Variants in PLA2G4A observed in about 807,000 individuals in gnomAD.
PLA2G4A encodes phospholipase A2 group IVA.
Under a neutral mutation model 81.9 loss-of-function variants are expected in PLA2G4A, and 40 were observed. That is an observed-to-expected ratio of 0.49 (90% CI 0.38 to 0.64). PLA2G4A has a LOEUF of 0.64. PLA2G4A is among the 30% of genes least tolerant of loss of function. The probability of loss-of-function intolerance (pLI) is 0.00; values close to 1 mark genes in which losing one functional copy is unlikely to be tolerated. For synonymous variants in PLA2G4A, 302 were observed against 296.9 expected, an observed-to-expected ratio of 1.02 and a Z score of -0.18; for missense variants, 715 against 905.1, an observed-to-expected ratio of 0.79 and a Z score of 2.69.
In PLA2G4A at chr1:186,977,628, C is replaced by G; in HGVS notation, c.1800C>G (p.Asn600Lys). Residue 600 changes from asparagine (N) to lysine (K), a missense_variant, in exon 16 of 18, where the codon AAC (asparagine) becomes AAG (lysine). Coordinates refer to ENST00000367466, the MANE Select transcript of PLA2G4A (RefSeq NM_024420.3). ...LLLAEKWAKM[N>K]KLPFPKIDPY... is the part of the protein sequence containing the mutation. ...TTGCAGAAAAGTGGGCTAAAATGAA[C>G]AAGCTCCCCTTTCCAAAGATTGATC... is the stretch of plus-strand genomic sequence containing the variant. 1.2e-6 allele frequency: 2 copies of G among 1,613,612 alleles called. No homozygotes were observed. Among genetic ancestry groups the G allele is most frequent in the Non-Finnish European group, 1.7e-6 (2 of 1,179,584 alleles).
At chr1:186,830,122 G>A (rs1247198098) in intron 1 of PLA2G4A, among the ~76,000 whole-genome samples, 1 of 152,144 alleles carries the variant, frequency 6.6e-6, no homozygotes, top group African/African-American at 2.4e-5. Flanking sequence ...CAAGTTAGAG[G>A]TTGGGATAAG....
At chr1:186,873,942 C>T (rs892017215) in intron 3 of PLA2G4A, among the ~76,000 whole-genome samples, 25 of 152,216 alleles carry the variant, frequency 1.6e-4, no homozygotes, top group African/African-American at 6.0e-4. Context: ...CTTCTGCATT[C>T]TTATGTTTAC....
intron 2 of PLA2G4A, among the ~76,000 whole-genome samples, chr1:186,857,055 T>TTGCTGGATGATCTGGGGATCTG (rs1367654873): frequency 2.0e-5 from 1 of 49,616 alleles, no homozygotes; most frequent in African/African-American, 1.3e-4. Flanking sequence ...CACATGTGTC[T>TTGCTGGATGATCTGGGGATCTG]GCCATGCAGC....
chr1:186,872,914 C>A (rs1363118183), intron 3 of PLA2G4A, among the ~76,000 whole-genome samples: 1 of 152,004 alleles, frequency 6.6e-6, no homozygotes, highest in African/African-American at 2.4e-5. Context: ...GAAGGAATGG[C>A]CACTGAAGAT....
chr1:186,948,516 G>GA (rs34068761), intron 12 of PLA2G4A, among the ~76,000 whole-genome samples: 1,758 of 138,502 alleles, frequency 0.013, 36 homozygotes, highest in African/African-American at 0.042. Context: ...GAAGATTTTA[G>GA]AAAAAAAAAA....
At chr1:186,859,594 G>C (rs1652721919) in intron 2 of PLA2G4A, among the ~76,000 whole-genome samples, 1 of 152,110 alleles carries the variant, frequency 6.6e-6, no homozygotes, top group Non-Finnish European at 1.5e-5. Flanking sequence ...TAAACCATGT[G>C]GATATGGCAG....
At chr1:186,949,375 G>GA (rs1407653102) in intron 12 of PLA2G4A, among the ~76,000 whole-genome samples, 2 of 11,072 alleles carry the variant, frequency 1.8e-4, no homozygotes. Context: ...AGAAAGAAAA[G>GA]AAAGAAAGAA....
intron 14 of PLA2G4A, among the ~76,000 whole-genome samples, chr1:186,965,075 C>A (rs1265409347): frequency 1.3e-5 from 2 of 152,168 alleles, no homozygotes; most frequent in African/African-American, 2.4e-5. Context: ...CATGTAAAGA[C>A]CTACGTAATG....
intron 5 of PLA2G4A, among the ~76,000 whole-genome samples, chr1:186,900,424 G>C (rs1420679836): frequency 1.3e-5 from 2 of 152,166 alleles, no homozygotes; most frequent in Non-Finnish European, 2.9e-5. Flanking sequence ...AACTAAATGT[G>C]TATCATGTGC....
chr1:186,864,979 T>G (rs1049944585), intron 2 of PLA2G4A, among the ~76,000 whole-genome samples: 3 of 151,160 alleles, frequency 2.0e-5, no homozygotes, highest in African/African-American at 7.3e-5. Context: ...GGTGTGTGCT[T>G]GTAATCCAAG....
At chr1:186,867,770 C>T (rs996779931) in intron 2 of PLA2G4A, among the ~76,000 whole-genome samples, 1 of 152,120 alleles carries the variant, frequency 6.6e-6, no homozygotes, top group African/African-American at 2.4e-5. Context: ...CCTTGCCTTG[C>T]TCCTGATCTT....
intron 3 of PLA2G4A, among the ~76,000 whole-genome samples, chr1:186,876,718 G>A (rs918341442): frequency 3.3e-5 from 5 of 152,072 alleles, no homozygotes; most frequent in East Asian, 3.9e-4. Context: ...GCTGTTCTCC[G>A]GGTGATGGTG....
At chr1:186,887,493 G>GA (rs1246001783) in intron 3 of PLA2G4A, among the ~76,000 whole-genome samples, 1 of 152,018 alleles carries the variant, frequency 6.6e-6, no homozygotes, top group African/African-American at 2.4e-5. Flanking sequence ...TTTATGGGAA[G>GA]AAAAAAGATC....
chr1:186,831,788 C>T lies in PLA2G4A; in HGVS notation c.-70+2753C>T, dbSNP rs181441544. ...AATCAACAAATATCTATTGAGTACC[C>T]AGTATGCATCAGCAAAGAGACAGAC... On this transcript the variant is annotated intron_variant, in intron 1 of 17. Coordinates refer to ENST00000367466, the MANE Select transcript of PLA2G4A (RefSeq NM_024420.3). 3.3e-5 allele frequency among the ~76,000 whole-genome samples: 5 copies of T among 151,920 alleles called. No individual in the cohort carries two copies. The East Asian group carries it at 9.7e-4, about 29-fold the overall frequency.
At chr1:186,836,516 G>C (rs1445183975) in intron 1 of PLA2G4A, among the ~76,000 whole-genome samples, 1 of 152,050 alleles carries the variant, frequency 6.6e-6, no homozygotes, top group Non-Finnish European at 1.5e-5. Context: ...ACTTAGAAAA[G>C]TAGTAGGAGT....
intron 2 of PLA2G4A, among the ~76,000 whole-genome samples, chr1:186,864,520 G>T (rs377423522): frequency 9.2e-5 from 14 of 151,766 alleles, no homozygotes; most frequent in Admixed American, 5.9e-4. Context: ...ATATCTCATC[G>T]TGGTTTTGAT....
intron 1 of PLA2G4A, among the ~76,000 whole-genome samples, chr1:186,834,934 T>C (rs1357422959): frequency 6.6e-6 from 1 of 152,178 alleles, no homozygotes; most frequent in African/African-American, 2.4e-5. Context: ...AAAATAATTA[T>C]TATTTTACCT....
At chr1:186,857,368 CAT>C (rs1458712074) in intron 2 of PLA2G4A, among the ~76,000 whole-genome samples, 3 of 115,550 alleles carry the variant, frequency 2.6e-5, no homozygotes, top group Non-Finnish European at 5.0e-5. Flanking sequence ...ATATTATATT[CAT>C]ATGTATTATA....
chr1:186,913,090 T>G (rs1655021019), intron 7 of PLA2G4A, among the ~76,000 whole-genome samples: 1 of 151,154 alleles, frequency 6.6e-6, no homozygotes, highest in African/African-American at 2.4e-5. Flanking sequence ...TCCAAATTCT[T>G]TATATTTTGT....
Sources: gnomAD v4.1 joint callset for allele counts (sites outside exome capture counted in the v4.1 genomes callset) on GRCh38, gnomAD v4.1.1 for gene constraint, MANE v1.5 for transcripts, NCBI Gene and HGNC (gene_info 2026-07-23, HGNC 2026-07-21) for gene names.